The following JAZF1 variants were observed in gnomAD, a reference collection of about 807,000 sequenced individuals.
The protein encoded by JAZF1 is juxtaposed with another zinc finger protein 1.
Under a neutral mutation model 26.4 loss-of-function variants are expected in JAZF1, and 8 were observed. The ratio of observed to expected loss-of-function variants is 0.30; its 90% CI spans 0.18 to 0.55. The LOEUF (loss-of-function observed/expected upper bound fraction) is 0.55, where lower values mean the gene tolerates loss of function less well. Among genes scored for constraint, JAZF1 ranks in the 20% least tolerant of loss-of-function variants. The pLI is 0.94. For missense variants in JAZF1, 199 were observed against 322.0 expected (o/e 0.62, Z 2.92); for synonymous variants, 126 against 122.3 (o/e 1.03, Z -0.20).
rs546855147 is a variant in JAZF1 at position 28,150,450 on chromosome 7, T to C, written c.115+30013A>G. Among the ~76,000 whole-genome samples, 65 of 152,348 alleles carry C rather than the reference T, an allele frequency of 4.3e-4. 1 individual carries two copies. The South Asian group carries it at 0.011, about 27-fold the overall frequency. ...TCATTTTGTAAAAGAAACAACAGTT[T>C]AGTGCACACATTCATCAAAAGGCAT... is the stretch of plus-strand genomic sequence containing the variant. On this transcript the variant is annotated intron_variant, in intron 1 of 4. Coordinates refer to ENST00000283928, the MANE Select transcript of JAZF1 (RefSeq NM_175061.4).
intron 2 of JAZF1, among the ~76,000 whole-genome samples, chr7:27,932,220 G>C (rs367898613): frequency 2.0e-5 from 3 of 152,330 alleles, no homozygotes; most frequent in South Asian, 4.1e-4. Flanking sequence ...GACTAACGCA[G>C]TAAGTTACCT....
In JAZF1 at chr7:27,840,627, AG is replaced by A; in HGVS notation, c.555+70del. The A allele has an allele frequency of 6.7e-7, 1 of 1,500,938 alleles. No homozygotes were observed. The highest frequency in any genetic ancestry group is 9.2e-7 in the Non-Finnish European group (1 of 1,091,592). 93.0% of individuals were successfully genotyped at this position (1,500,938 alleles called of 1,614,324 possible). On this transcript the variant is annotated intron_variant, in intron 4 of 4. Transcript: ENST00000283928. This position sits in a 1 kb window ranked among gnomAD's most constrained non-coding sequence, Gnocchi z 5.1. ...CATACGCTCGCTTTAAAATCAAGAA[AG>A]GGCTGCTGCCTTCCATGAAGCTTGC...
chr7:28,179,059 A>AG (rs1480395742), intron 1 of JAZF1, among the ~76,000 whole-genome samples: 4 of 152,248 alleles, frequency 2.6e-5, no homozygotes, highest in African/African-American at 9.6e-5. Flanking sequence ...GCATAAATAC[A>AG]CAGCAGTCGT....
chr7:27,988,375 ATT>A (rs761244185), intron 2 of JAZF1, among the ~76,000 whole-genome samples: 8,847 of 141,726 alleles, frequency 0.062, 323 homozygotes, highest in Non-Finnish European at 0.09. Flanking sequence ...TAAATTGTAA[ATT>A]TTTTTTTTTT....
chr7:27,956,390 TGG>T (rs762659835), intron 2 of JAZF1, among the ~76,000 whole-genome samples: 2 of 152,196 alleles, frequency 1.3e-5, no homozygotes, highest in Non-Finnish European at 2.9e-5. Flanking sequence ...TCATGCTCTT[TGG>T]GGGTGTAACC....
At chr7:28,091,655 CAT>C (rs1784299215) in intron 1 of JAZF1, among the ~76,000 whole-genome samples, 1 of 149,720 alleles carries the variant, frequency 6.7e-6, no homozygotes, top group Admixed American at 6.7e-5. Context: ...CAGACACACA[CAT>C]ATATATGCAC....
At chr7:27,981,732 G>A (rs780174419) in intron 2 of JAZF1, among the ~76,000 whole-genome samples, 2 of 151,934 alleles carry the variant, frequency 1.3e-5, no homozygotes, top group Non-Finnish European at 1.5e-5. Flanking sequence ...GCCTATAGAC[G>A]GCTATAATAA....
chr7:27,963,201 A>G (rs1320963108), intron 2 of JAZF1, among the ~76,000 whole-genome samples: 1 of 152,254 alleles, frequency 6.6e-6, no homozygotes, highest in African/African-American at 2.4e-5. Flanking sequence ...GGCATACAGC[A>G]TTCTGCAAAC....
At chr7:28,007,837 T>C (rs985560510) in intron 1 of JAZF1, among the ~76,000 whole-genome samples, 1 of 152,156 alleles carries the variant, frequency 6.6e-6, no homozygotes, top group Non-Finnish European at 1.5e-5. Flanking sequence ...CCCATATACT[T>C]TTGCTCCCAC....
chr7:27,944,226 G>A (rs975533502), intron 2 of JAZF1, among the ~76,000 whole-genome samples: 6 of 152,160 alleles, frequency 3.9e-5, no homozygotes, highest in Admixed American at 3.9e-4. Context: ...TGTGCCCAGT[G>A]TGCTGTTAGA....
At chr7:28,071,198 A>C (rs145642787) in intron 1 of JAZF1, among the ~76,000 whole-genome samples, 1 of 152,346 alleles carries the variant, frequency 6.6e-6, no homozygotes, top group East Asian at 1.9e-4. Flanking sequence ...GTGTAGCCGG[A>C]AGCCAGTGCA....
At chr7:27,893,265 A>G (rs1258273045) in intron 3 of JAZF1, among the ~76,000 whole-genome samples, 3 of 152,250 alleles carry the variant, frequency 2.0e-5, no homozygotes, top group African/African-American at 7.2e-5. Context: ...TGAAGTTAGT[A>G]TTCTGAAACA....
intron 1 of JAZF1, among the ~76,000 whole-genome samples, chr7:28,067,826 G>T (rs1195662689): frequency 6.6e-6 from 1 of 152,164 alleles, no homozygotes; most frequent in East Asian, 1.9e-4. Flanking sequence ...GCTAATCAGT[G>T]CCGAGGCGAG....
At chr7:28,171,231 G>C (rs1252912215) in intron 1 of JAZF1, among the ~76,000 whole-genome samples, 4 of 152,168 alleles carry the variant, frequency 2.6e-5, no homozygotes, top group African/African-American at 4.8e-5. Context: ...GCTTTAAAAA[G>C]AGTCTCTTTC....
intron 1 of JAZF1, among the ~76,000 whole-genome samples, chr7:28,073,720 A>C (rs1472230874): frequency 1.3e-5 from 2 of 152,156 alleles, no homozygotes; most frequent in Non-Finnish European, 2.9e-5. Flanking sequence ...CCCCAGGAGG[A>C]AAAACCACTC....
chr7:28,117,614 C>T (rs893457099), intron 1 of JAZF1, among the ~76,000 whole-genome samples: 4 of 152,166 alleles, frequency 2.6e-5, no homozygotes, highest in Non-Finnish European at 2.9e-5. Flanking sequence ...ATCATTATCC[C>T]ATGGAAAACA....
intron 2 of JAZF1, among the ~76,000 whole-genome samples, chr7:27,947,318 A>T (rs1784936449): frequency 2.0e-5 from 3 of 152,208 alleles, no homozygotes; most frequent in African/African-American, 7.2e-5. Flanking sequence ...CCAAGATTAA[A>T]ATAACTGCTG....
intron 1 of JAZF1, among the ~76,000 whole-genome samples, chr7:28,123,936 G>A (rs1255064921): frequency 1.3e-5 from 2 of 152,190 alleles, no homozygotes; most frequent in African/African-American, 4.8e-5. Flanking sequence ...TTCTGTTGAT[G>A]TTTCAGCTGT....
chr7:28,055,035 C>A (rs1783680616), intron 1 of JAZF1, among the ~76,000 whole-genome samples: 1 of 152,094 alleles, frequency 6.6e-6, no homozygotes, highest in Non-Finnish European at 1.5e-5. Flanking sequence ...GGGTAAAAAT[C>A]AGTCAAGTAC....
Sources: allele counts gnomAD v4.1 joint callset (sites outside exome capture counted in the v4.1 genomes callset), GRCh38; gene constraint gnomAD v4.1.1; non-coding constraint Gnocchi (gnomAD v3.1); transcripts MANE v1.5; gene names NCBI Gene and HGNC (gene_info 2026-07-23, HGNC 2026-07-21).